Variants in GPR35 observed in about 807,000 individuals in gnomAD.
GPR35 encodes the protein KYNA receptor.
For missense variants in GPR35, 372 were observed against 422.5 expected, an observed-to-expected ratio of 0.88 and a Z score of 1.05; for synonymous variants, 207 against 198.4, an observed-to-expected ratio of 1.04 and a Z score of -0.36.
chr2:240,612,661 C>A (rs1249958922), intron 2 of GPR35, among the ~76,000 whole-genome samples: 1 of 152,198 alleles, frequency 6.6e-6, no homozygotes, highest in Non-Finnish European at 1.5e-5. Context: ...GTGGGAACTT[C>A]TCTTTCAGAG....
chr2:240,630,958 A>C lies in GPR35; in HGVS notation c.*76A>C, dbSNP rs2043441135. 2.4e-6 allele frequency: 3 copies of C among 1,258,636 alleles called. No individual in the cohort carries two copies. Among genetic ancestry groups the C allele is most frequent in the Non-Finnish European group, 3.4e-6 (3 of 881,954 alleles). 78.0% of individuals were successfully genotyped at this position (1,258,636 alleles called of 1,614,324 possible). ...CTGCCTGCCAGGGGAAGCTGGAACC[A>C]GTAGCAAGGAGCCCGAGATCAGCCC... On this transcript the variant is annotated 3_prime_UTR_variant, in exon 2 of 2. Transcript: ENST00000407714.
intron 5 of GPR35, among the ~76,000 whole-genome samples, chr2:240,619,473 G>A (rs2043270214): frequency 6.6e-6 from 1 of 152,206 alleles, no homozygotes; most frequent in Non-Finnish European, 1.5e-5. Context: ...TCTCCACACA[G>A]TGCTTCTTCT....
chr2:240,610,160 A>G (rs1356621711), intron 2 of GPR35, among the ~76,000 whole-genome samples: 1 of 152,102 alleles, frequency 6.6e-6, no homozygotes, highest in African/African-American at 2.4e-5. Context: ...GGGTTTCACC[A>G]TCTTGGCCAG....
intron 2 of GPR35, among the ~76,000 whole-genome samples, chr2:240,612,227 G>A (rs1267750460): frequency 4.6e-5 from 7 of 151,454 alleles, no homozygotes; most frequent in Admixed American, 1.3e-4. Context: ...TGAGGAGATC[G>A]AGACCGTCCT....
At chr2:240,624,930 C>A (rs989470881), upstream of GPR35, among the ~76,000 whole-genome samples, 1 of 152,138 alleles carries the variant, frequency 6.6e-6, no homozygotes, top group Non-Finnish European at 1.5e-5. Context: ...GAGGAGCCAG[C>A]CTGCCTGCGT....
chr2:240,614,862 T>G (rs2043223265), intron 2 of GPR35, among the ~76,000 whole-genome samples: 1 of 151,724 alleles, frequency 6.6e-6, no homozygotes, highest in Non-Finnish European at 1.5e-5. Flanking sequence ...TCTATGTATG[T>G]ATATGTAGTA....
Position 240,631,830 on chromosome 2 carries a change from A to C in GPR35, c.*948A>C, listed in dbSNP as rs962091669. On this transcript the variant is annotated 3_prime_UTR_variant, in exon 2 of 2. Coordinates refer to ENST00000407714, the MANE Select transcript of GPR35 (RefSeq NM_005301.5). ...TGTGGGCCAGCACGGCCTGGGCTCA[A>C]ACCCCATCCTGTCATCCCATATTGC... is the stretch of plus-strand genomic sequence containing the variant. Among the ~76,000 whole-genome samples, 3 of 152,322 alleles carry C rather than the reference A, an allele frequency of 2.0e-5. No individual in the cohort carries two copies. In the South Asian group the frequency reaches 6.2e-4, roughly 32 times the overall value.
chr2:240,608,917 G>C (rs898033085), intron 2 of GPR35, among the ~76,000 whole-genome samples: 10 of 152,154 alleles, frequency 6.6e-5, no homozygotes, highest in African/African-American at 2.4e-4. Context: ...ATAGATATAA[G>C]CTTGTTACAT....
At chr2:240,610,753 G>A (rs1293766959) in intron 2 of GPR35, among the ~76,000 whole-genome samples, 1 of 151,458 alleles carries the variant, frequency 6.6e-6, no homozygotes, top group Non-Finnish European at 1.5e-5. Context: ...TCCTGCCTCA[G>A]CCTCCCAAGT....
chr2:240,612,533 A>T (rs2043193048), intron 2 of GPR35, among the ~76,000 whole-genome samples: 1 of 151,014 alleles, frequency 6.6e-6, no homozygotes, highest in Non-Finnish European at 1.5e-5. Flanking sequence ...GGCTCTAGGG[A>T]CATGGGAGTC....
rs781464290 is a variant in GPR35 at position 240,630,212 on chromosome 2, C to A, written c.260C>A (p.Pro87Gln). Residue 87 changes from proline (P) to glutamine (Q), a missense_variant, in exon 2 of 2, where the codon CCG becomes CAG. Pro to Gln is a moderately conservative substitution (Grantham distance 76). Transcript: ENST00000407714. ...LHSLRDTSDT[P>Q]LCQLSQGIYL... is the part of the protein sequence containing the mutation. ...TCCCTGCGAGACACCTCAGACACGC[C>A]GCTGTGCCAGCTCTCCCAGGGCATC... 9.5e-6 allele frequency: 15 copies of A among 1,573,122 alleles called. No homozygotes were observed. Among genetic ancestry groups the A allele is most frequent in the Non-Finnish European group, 1.3e-5 (15 of 1,161,458 alleles).
At chr2:240,625,193 GGGC>G, upstream of GPR35, 2 of 869,364 alleles carry the variant, frequency 2.3e-6, no homozygotes, top group Middle Eastern at 5.8e-4. Context: ...AAGGCTCCGT[GGGC>G]GGGGCTGGAG....
intron 2 of GPR35, among the ~76,000 whole-genome samples, chr2:240,613,087 A>G (rs2953157): frequency 0.78 from 118,749 of 151,972 alleles, 46,558 homozygotes; most frequent in African/African-American, 0.82. Flanking sequence ...AACCCCAGAC[A>G]AGGAGTGAGG....
intron 1 of GPR35, chr2:240,605,697 T>C (rs2043125768): frequency 6.6e-6 from 1 of 152,320 alleles, no homozygotes; most frequent in Admixed American, 6.5e-5. Context: ...ACCTGGACTT[T>C]GGGCTCGTGC....
Position 240,631,070 on chromosome 2 carries a change from C to T in GPR35, c.*188C>T. 1.6e-6 allele frequency: 1 copy of T among 619,286 alleles called. No individual in the cohort carries two copies. The highest frequency in any genetic ancestry group is 2.0e-5 in the South Asian group (1 of 49,738). 38.4% of individuals were successfully genotyped at this position (619,286 alleles called of 1,614,324 possible). On this transcript the variant is annotated 3_prime_UTR_variant, in exon 2 of 2. Transcript: ENST00000407714. The stretch of plus-strand genomic sequence containing the variant: ...TCTTGGGAAGAGAGAGGGACAGGGA[C>T]AAGGGCAAGAGGACTGAGGCCAGAG...
At chr2:240,627,244 A>G (rs968338259) in intron 1 of GPR35, among the ~76,000 whole-genome samples, 11 of 152,186 alleles carry the variant, frequency 7.2e-5, no homozygotes, top group African/African-American at 1.9e-4. Flanking sequence ...TGTGCTGGCC[A>G]TGTTAGCTCC....
chr2:240,614,926 T>C (rs2043224278), intron 2 of GPR35, among the ~76,000 whole-genome samples: 1 of 152,108 alleles, frequency 6.6e-6, no homozygotes. Flanking sequence ...ATATATGCAT[T>C]TGTGTGTGCT....
upstream of GPR35, among the ~76,000 whole-genome samples, chr2:240,623,348 C>CGCAAACAGATCGTGAGGGT (rs2043323558): frequency 1.1e-5 from 1 of 94,154 alleles, no homozygotes; most frequent in Non-Finnish European, 2.4e-5. Flanking sequence ...GTCGTGAGGG[C>CGCAAACAGATCGTGAGGGT]GCAAACAGGT....
chr2:240,629,841 G>A lies in GPR35; in HGVS notation c.-4-108G>A, dbSNP rs997686248. ...GTTTTGTGTTTGTGGGTGTGGGGTC[G>A]GGGCTCACCTCCTCCCACATCCCTG... On this transcript the variant is annotated intron_variant, in intron 1 of 1. Transcript: ENST00000407714. 7.3e-5 allele frequency: 67 copies of A among 921,162 alleles called. 1 individual carries two copies. The highest frequency in any genetic ancestry group is 9.6e-5 in the Non-Finnish European group (58 of 605,508). The allele number at this position is 921,162 out of a possible 1,614,324, so 57.1% of individuals were successfully genotyped here.
Sources: allele counts gnomAD v4.1 joint callset (sites outside exome capture counted in the v4.1 genomes callset), GRCh38; gene constraint gnomAD v4.1.1; transcripts MANE v1.5; gene names NCBI Gene and HGNC (gene_info 2026-07-23, HGNC 2026-07-21).